The following MPG variants were observed in gnomAD, a reference collection of about 807,000 sequenced individuals.
The protein encoded by MPG is N-methylpurine DNA glycosylase, also known as DNA-3-methyladenine glycosylase.
Under a neutral mutation model 31.7 loss-of-function variants are expected in MPG, and 33 were observed. The ratio of observed to expected loss-of-function variants is 1.04; its 90% CI spans 0.79 to 1.39. The LOEUF (loss-of-function observed/expected upper bound fraction) is 1.39, where lower values mean the gene tolerates loss of function less well. Among genes scored for constraint, MPG ranks in the 40% most tolerant of loss-of-function variants. The probability of loss-of-function intolerance (pLI) is 0.00; values close to 1 mark genes in which losing one functional copy is unlikely to be tolerated. For synonymous variants in MPG, 202 were observed against 169.2 expected (o/e 1.19, Z -1.51); for missense variants, 455 against 415.5 (o/e 1.10, Z -0.83).
chr16:83,680 G>T (rs1340414198), intron 3 of MPG, among the ~76,000 whole-genome samples: 2 of 151,368 alleles, frequency 1.3e-5, no homozygotes, highest in Admixed American at 1.3e-4. Context: ...GGCGGAGGTT[G>T]CAGGGAGCCA....
At chr16:79,038 C>T in intron 1 of MPG, 1 of 1,427,198 alleles carries the variant, frequency 7.0e-7, no homozygotes, top group Non-Finnish European at 9.1e-7. Flanking sequence ...GGCAGGGCTC[C>T]AGAAACCAGC....
chr16:79,875 AT>A, intron 2 of MPG, 175 bp downstream of exon 2: 1 of 732,572 alleles, frequency 1.4e-6, no homozygotes. Context: ...GCCTGAGGTC[AT>A]CTGGGAAGAA....
chr16:78,454 C>A, intron 1 of MPG, 121 bp downstream of exon 1: 1 of 897,752 alleles, frequency 1.1e-6, no homozygotes, highest in Non-Finnish European at 1.4e-6. Context: ...CCCGAGGGTT[C>A]GGGGCAGAGC....
intron 1 of MPG, 110 bp from the exon 2 acceptor site, chr16:79,315 T>C (rs1043062395): frequency 1.2e-6 from 2 of 1,609,454 alleles, no homozygotes; most frequent in Non-Finnish European, 1.7e-6. Context: ...GCTTTGCAGA[T>C]GAAGAAACCA....
chr16:79,762 C>T (rs1898192553), intron 2 of MPG, 62 bp downstream of exon 2: 1 of 1,496,792 alleles, frequency 6.7e-7, no homozygotes, highest in Non-Finnish European at 9.0e-7. Context: ...TGTCCCTGAA[C>T]CCCTGTCCGC....
chr16:78,150 G>A, upstream of MPG: 1 of 494,268 alleles, frequency 2.0e-6, no homozygotes, highest in Non-Finnish European at 3.1e-6. Context: ...CCCCGGGGGC[G>A]CAGCCAGTTC....
intron 2 of MPG, among the ~76,000 whole-genome samples, chr16:82,702 A>T (rs938727612): frequency 6.6e-6 from 1 of 152,156 alleles, no homozygotes; most frequent in Non-Finnish European, 1.5e-5. Flanking sequence ...TCTCAAGGGC[A>T]CTTGGGAAAG....
Position 83,002 on chromosome 16 carries a change from G to C in MPG, c.301-50G>C, listed in dbSNP as rs200779272. 47 of 1,491,840 alleles carry C rather than the reference G, an allele frequency of 3.2e-5. 1 individual carries two copies. In the East Asian group the frequency reaches 9.8e-4, roughly 31 times the overall value. 92.4% of individuals were successfully genotyped at this position (1,491,840 alleles called of 1,614,324 possible). Reference sequence around the variant, plus strand: ...GGTCCAGGCTGGGCACTGTTAGGGTGAGTGGACCCCCATCCCTTCCCGCCC... The same window carrying C: ...GGTCCAGGCTGGGCACTGTTAGGGTCAGTGGACCCCCATCCCTTCCCGCCC... On this transcript the variant is annotated intron_variant, in intron 2 of 3. Coordinates refer to ENST00000356432, the MANE Select transcript of MPG (RefSeq NM_001015052.3).
chr16:78,160 C>T, upstream of MPG: 1 of 591,670 alleles, frequency 1.7e-6, no homozygotes, highest in Non-Finnish European at 2.4e-6. Context: ...GCAGCCAGTT[C>T]CCGGCGCTCA....
intron 3 of MPG, 125 bp from the exon 4 acceptor site, chr16:85,276 C>G: frequency 8.7e-7 from 1 of 1,154,224 alleles, no homozygotes; most frequent in Non-Finnish European, 1.2e-6. Context: ...GTGCACAGAG[C>G]AGGTCCCTGG....
chr16:78,447 G>T, intron 1 of MPG, 114 bp downstream of exon 1: 2 of 941,476 alleles, frequency 2.1e-6, no homozygotes, highest in Non-Finnish European at 2.7e-6. Context: ...CCACCGCCCC[G>T]AGGGTTCGGG....
At chr16:83,958 C>G (rs1462587506) in intron 3 of MPG, among the ~76,000 whole-genome samples, 1 of 151,926 alleles carries the variant, frequency 6.6e-6, no homozygotes, top group Non-Finnish European at 1.5e-5. Flanking sequence ...GCGGAGGAGT[C>G]GGTGAGGAAA....
chr16:77,698 C>A (rs1898125279), upstream of MPG, among the ~76,000 whole-genome samples: 1 of 152,206 alleles, frequency 6.6e-6, no homozygotes, highest in Non-Finnish European at 1.5e-5. Context: ...CGGCCAGGGG[C>A]GGGGGCCTCC....
chr16:79,721 A>G (rs1198263870), intron 2 of MPG, 21 bp downstream of exon 2: 8 of 1,539,848 alleles, frequency 5.2e-6, no homozygotes, highest in Non-Finnish European at 7.0e-6. Context: ...CATAGCAGCG[A>G]GGGCCCTCCT....
chr16:79,406 A>AT lies in MPG; in HGVS notation c.25-11dup, dbSNP rs1555437691. On this transcript the variant is annotated intron_variant, in intron 1 of 3. Transcript: ENST00000356432. ...CTGTCTCCTATTCGGATGCTTATTT[A>AT]TTTTTTTTCCCATTACAGTTTTGCC... The AT allele has an allele frequency of 3.1e-6, 5 of 1,613,064 alleles. No homozygotes were observed. The African/African-American group carries it at 4.0e-5, about 13-fold the overall frequency.
At chr16:84,905 C>T (rs1898379145) in intron 3 of MPG, among the ~76,000 whole-genome samples, 1 of 152,192 alleles carries the variant, frequency 6.6e-6, no homozygotes, top group Non-Finnish European at 1.5e-5. Flanking sequence ...GTGGGTGAGG[C>T]AGAAGGGGAG....
intron 2 of MPG, among the ~76,000 whole-genome samples, chr16:80,491 G>A (rs547063138): frequency 2.6e-5 from 4 of 152,192 alleles, no homozygotes; most frequent in Non-Finnish European, 4.4e-5. Flanking sequence ...GTCCCCATGC[G>A]GATCCTTCTA....
In MPG at chr16:83,168, C is replaced by G. The variant is rs1293071194; in HGVS notation, c.417C>G (p.Pro139=). ...AAHSRGGRQT[P]RNRGMFMKPG... Reference sequence around the variant, plus strand: ...ACTCAAGGGGTGGCCGGCAGACCCCCCGCAACCGAGGCATGTTCATGAAGC... The same window carrying G: ...ACTCAAGGGGTGGCCGGCAGACCCCGCGCAACCGAGGCATGTTCATGAAGC... Residue 139 remains proline, a synonymous_variant, in exon 3 of 4, where the codon CCC becomes CCG. Coordinates refer to ENST00000356432, the MANE Select transcript of MPG (RefSeq NM_001015052.3). 1 of 1,613,244 alleles carries G rather than the reference C, an allele frequency of 6.2e-7. No homozygotes were observed. Among genetic ancestry groups the G allele is most frequent in the African/African-American group, 1.3e-5 (1 of 75,032 alleles).
Position 82,231 on chromosome 16 carries a change from G to T in MPG, c.301-821G>T, listed in dbSNP as rs1898268984. Among the ~76,000 whole-genome samples the T allele has an allele frequency of 1.4e-5, 2 of 148,100 alleles. 1 individual carries two copies. Among genetic ancestry groups the T allele is most frequent in the Non-Finnish European group, 3.0e-5 (2 of 67,680 alleles). The stretch of plus-strand genomic sequence containing the variant: ...CCTTCTTCCCACCACCCTATCTCCG[G>T]GAAGCCCTCCTGAATGCTCCCCCGG... On this transcript the variant is annotated intron_variant, in intron 2 of 3. Transcript: ENST00000356432.
Sources: allele counts gnomAD v4.1 joint callset (sites outside exome capture counted in the v4.1 genomes callset), GRCh38; gene constraint gnomAD v4.1.1; transcripts MANE v1.5; gene names NCBI Gene and HGNC (gene_info 2026-07-23, HGNC 2026-07-21).